The following NAV1 variants were observed in gnomAD, a reference collection of about 807,000 sequenced individuals.
NAV1 encodes neuron navigator 1.
A neutral mutation model predicts 175.2 loss-of-function variants in NAV1; 18 were observed. The observed-to-expected ratio is 0.10, with a 90% CI of 0.07 to 0.15. The LOEUF is 0.15. Among genes scored for constraint, NAV1 ranks in the 10% least tolerant of loss-of-function variants. NAV1 has a pLI of 1.00. For missense variants in NAV1, 1,731 were observed against 2,436.6 expected, an observed-to-expected ratio of 0.71 and a Z score of 6.10; for synonymous variants, 897 against 978.7, an observed-to-expected ratio of 0.92 and a Z score of 1.56.
At chr1:201,584,677 C>G (rs1205049722) in intron 1 of NAV1, among the ~76,000 whole-genome samples, 1 of 152,194 alleles carries the variant, frequency 6.6e-6, no homozygotes, top group Non-Finnish European at 1.5e-5. Flanking sequence ...TCTAGAATCT[C>G]CTCTGAATCC....
chr1:201,609,190 C>T (rs1182835059), intron 2 of NAV1, among the ~76,000 whole-genome samples: 3 of 152,242 alleles, frequency 2.0e-5, no homozygotes, highest in African/African-American at 7.2e-5. Context: ...GATCCCCCAA[C>T]CCTACCCCTC....
chr1:201,658,518 G>A (rs1669491554), intron 1 of NAV1, among the ~76,000 whole-genome samples: 1 of 152,164 alleles, frequency 6.6e-6, no homozygotes, highest in African/African-American at 2.4e-5. Flanking sequence ...TTAATGGCAG[G>A]TAGTGATGAG....
chr1:201,674,373 C>T (rs1000475631), intron 1 of NAV1, among the ~76,000 whole-genome samples: 1 of 152,090 alleles, frequency 6.6e-6, no homozygotes, highest in African/African-American at 2.4e-5. Context: ...TTGGGTTCCT[C>T]CTGGAATGAG....
chr1:201,737,947 G>A (rs376819504), intron 3 of NAV1, among the ~76,000 whole-genome samples: 1 of 152,146 alleles, frequency 6.6e-6, no homozygotes, highest in East Asian at 1.9e-4. Context: ...ACAGCTGCGT[G>A]GACAGAGCCT....
Position 201,595,829 on chromosome 1 carries a change from C to T in NAV1, c.-33+7180C>T, listed in dbSNP as rs115703197. ...TACGTGTCCCCTGCAACCAAGGTGC[C>T]CTTCTTCTGCCTCTTCCACCAAGCC... is the stretch of plus-strand genomic sequence containing the variant. On this transcript the variant is annotated intron_variant, in intron 2 of 33. Coordinates refer to the NAV1 transcript ENST00000685211. Among the ~76,000 whole-genome samples, 448 of 152,338 alleles carry T rather than the reference C, an allele frequency of 2.9e-3. 2 individuals are homozygous for T. Among genetic ancestry groups the T allele is most frequent in the African/African-American group, 0.01 (428 of 41,568 alleles).
intron 1 of NAV1, among the ~76,000 whole-genome samples, chr1:201,540,590 C>A (rs1665484794): frequency 6.6e-6 from 1 of 152,154 alleles, no homozygotes; most frequent in African/African-American, 2.4e-5. Flanking sequence ...TTCCTTTAGG[C>A]CAGAGATATA....
intron 1 of NAV1, among the ~76,000 whole-genome samples, chr1:201,544,920 T>C (rs1665624974): frequency 6.6e-6 from 1 of 152,226 alleles, no homozygotes; most frequent in South Asian, 2.1e-4. Context: ...TTGTGGACCA[T>C]GACATAACTA....
intron 2 of NAV1, among the ~76,000 whole-genome samples, chr1:201,642,733 T>C (rs1308924806): frequency 6.8e-6 from 1 of 147,684 alleles, no homozygotes; most frequent in Non-Finnish European, 1.5e-5. Flanking sequence ...CTTCCTTCCT[T>C]TCTTCCCTCC....
At chr1:201,757,324 A>G (rs1441748077) in intron 3 of NAV1, among the ~76,000 whole-genome samples, 5 of 152,092 alleles carry the variant, frequency 3.3e-5, no homozygotes, top group East Asian at 3.9e-4. Context: ...GCAGTGGCAC[A>G]ATCCATAAAT....
chr1:201,663,163 T>A (rs927002065), intron 1 of NAV1, among the ~76,000 whole-genome samples: 8 of 152,090 alleles, frequency 5.3e-5, no homozygotes, highest in Non-Finnish European at 1.2e-4. Context: ...GGTCTCTGAT[T>A]GACCCACCCA....
chr1:201,793,832 T>C, exon 14 of NAV1: 1 of 1,463,754 alleles, frequency 6.8e-7, no homozygotes, highest in Non-Finnish European at 9.2e-7. Context: ...CTGGTGAATA[T>C]GACATCCCGC....
chr1:201,652,032 G>A lies in NAV1; in HGVS notation c.757+2607G>A, dbSNP rs964225971. On this transcript the variant is annotated intron_variant, in intron 1 of 29. Transcript: ENST00000367296. ...GGGAGAGGAACTACAGAGGGAATTC[G>A]TCTTCCAGAGCCAATGATGGTGGTG... 3.9e-5 allele frequency among the ~76,000 whole-genome samples: 6 copies of A among 152,054 alleles called. No individual in the cohort carries two copies. In the South Asian group the frequency reaches 8.3e-4, roughly 21 times the overall value.
chr1:201,646,483 TG>T (rs1454446729), upstream of NAV1, among the ~76,000 whole-genome samples: 1 of 152,236 alleles, frequency 6.6e-6, no homozygotes, highest in Non-Finnish European at 1.5e-5. Context: ...TTGTCTACCT[TG>T]TATTCCCTGC....
chr1:201,575,937 T>TA (rs945980599), intron 1 of NAV1, among the ~76,000 whole-genome samples: 1 of 152,208 alleles, frequency 6.6e-6, no homozygotes, highest in African/African-American at 2.4e-5. Context: ...TGACTTTTAT[T>TA]AAACTTTTAA....
At position 201,808,411 on chromosome 1, in the gene NAV1, C is replaced by G. The variant is rs1311671634; in HGVS notation, c.3846-7C>G. 1.2e-6 allele frequency: 2 copies of G among 1,606,546 alleles called. No homozygotes were observed. Among genetic ancestry groups the G allele is most frequent in the Non-Finnish European group, 1.7e-6 (2 of 1,176,042 alleles). ...TGTAGCCTGGCTTGACTCTTGCTAT[C>G]TTACAGGGGCCCTGCTCACCCAGCC... On this transcript the variant is annotated splice_polypyrimidine_tract_variant and splice_region_variant and intron_variant, in intron 18 of 29. Coordinates refer to ENST00000367296, the Ensembl canonical transcript of NAV1. This position sits in a 1 kb window ranked among gnomAD's most constrained non-coding sequence, Gnocchi z 5.5.
In NAV1 at chr1:201,812,562, A is replaced by T. The variant is rs776881906; in HGVS notation, c.5122A>T (p.Asn1708Tyr). ...AGAGTCAGACAGCGACATCAATGCC[A>T]ACAAGGAAGAGCTGCTTCGGGTGCT... Residue 1708 changes from asparagine to tyrosine, a missense_variant, in exon 27 of 30, where the codon AAC (asparagine) becomes TAC (tyrosine). Physicochemically the swap from Asn to Tyr is moderately radical, Grantham distance 143. Around this residue, in one of 13 missense-constraint regions of NAV1, gnomAD observed 115 missense variants for 269.4 expected, o/e 0.43. Transcript: ENST00000367296. The surrounding 1 kb of genome is among the most constrained non-coding windows in gnomAD (Gnocchi z 4.6). 6.2e-7 allele frequency: 1 copy of T among 1,614,204 alleles called. No individual in the cohort carries two copies. The highest frequency in any genetic ancestry group is 8.5e-7 in the Non-Finnish European group (1 of 1,180,014).
At chr1:201,599,553 CAG>C (rs1667460726) in intron 2 of NAV1, among the ~76,000 whole-genome samples, 1 of 152,204 alleles carries the variant, frequency 6.6e-6, no homozygotes, top group South Asian at 2.1e-4. Flanking sequence ...TCTGGCAGTT[CAG>C]AGTCTGTGGC....
chr1:201,738,941 C>T (rs1344968094), intron 3 of NAV1, among the ~76,000 whole-genome samples: 2 of 152,188 alleles, frequency 1.3e-5, no homozygotes, highest in African/African-American at 4.8e-5. Context: ...AGACACTTAG[C>T]CCCTTCCAGG....
At chr1:201,629,324 A>G in intron 1 of NAV1, 80 bp from the exon 4 acceptor site, 1 of 1,003,212 alleles carries the variant, frequency 1.0e-6, no homozygotes. Context: ...AAGTTCTAAG[A>G]GGGTTTTCTT....
Sources: gnomAD v4.1 joint callset for allele counts (sites outside exome capture counted in the v4.1 genomes callset) on GRCh38, gnomAD v4.1.1 for gene constraint, gnomAD v4.1.1 regional missense constraint, Gnocchi (gnomAD v3.1) non-coding constraint, MANE v1.5 for transcripts, NCBI Gene and HGNC (gene_info 2026-07-23, HGNC 2026-07-21) for gene names.